The following SCHIP1 variants were observed in gnomAD, a reference collection of about 807,000 sequenced individuals.
SCHIP1 encodes schwannomin interacting protein 1, also known as schwannomin-interacting protein 1.
In SCHIP1, 8 loss-of-function variants were observed where a neutral mutation model predicts 29.7. The ratio of observed to expected loss-of-function variants is 0.27; its 90% confidence interval spans 0.16 to 0.49. The LOEUF (loss-of-function observed/expected upper bound fraction) is 0.49. Among genes scored for constraint, SCHIP1 ranks in the 20% least tolerant of loss-of-function variants. The pLI, the probability that SCHIP1 is intolerant of heterozygous loss-of-function variation, is 0.99. For synonymous variants in SCHIP1, 76 were observed against 94.9 expected, an observed-to-expected ratio of 0.80 and a Z score of 1.16; for missense variants, 193 against 294.6, an observed-to-expected ratio of 0.66 and a Z score of 2.52.
the SCHIP1 span, among the ~76,000 whole-genome samples, chr3:159,672,242 G>A: frequency 6.6e-6 from 1 of 152,212 alleles, no homozygotes; most frequent in Non-Finnish European, 1.5e-5. Flanking sequence ...ATGAGCACAT[G>A]AGTATAGTAA....
intron 2 of SCHIP1, among the ~76,000 whole-genome samples, chr3:159,876,307 T>G (rs1715802063): frequency 6.6e-6 from 1 of 152,214 alleles, no homozygotes; most frequent in Non-Finnish European, 1.5e-5. Flanking sequence ...GCAGGCAGTG[T>G]AGCGTGGTGG....
At chr3:159,850,771 A>G (rs1264149440) in intron 1 of SCHIP1, among the ~76,000 whole-genome samples, 1 of 151,804 alleles carries the variant, frequency 6.6e-6, no homozygotes, top group African/African-American at 2.4e-5. Flanking sequence ...TTAAACAACC[A>G]GATCTCATGA....
At chr3:159,786,888 A>G in the SCHIP1 span, among the ~76,000 whole-genome samples, 3 of 152,180 alleles carry the variant, frequency 2.0e-5, no homozygotes, top group Non-Finnish European at 4.4e-5. Flanking sequence ...AAAAAGCCGA[A>G]TATTTTTGTA....
the SCHIP1 span, among the ~76,000 whole-genome samples, chr3:159,495,598 A>C: frequency 6.6e-6 from 1 of 152,320 alleles, no homozygotes. Context: ...CTGCTCAATG[A>C]AATAAAAGAG....
the SCHIP1 span, among the ~76,000 whole-genome samples, chr3:159,656,155 T>C: frequency 1.3e-5 from 2 of 152,228 alleles, no homozygotes; most frequent in Admixed American, 6.5e-5. Context: ...GGTAAGCAAA[T>C]TGGAAGGGGA....
At chr3:159,475,403 G>T in the SCHIP1 span, among the ~76,000 whole-genome samples, 1 of 152,134 alleles carries the variant, frequency 6.6e-6, no homozygotes, top group Non-Finnish European at 1.5e-5. Flanking sequence ...GTAGGTTAGT[G>T]GTTGCCAGGG....
At chr3:159,627,230 T>C in the SCHIP1 span, among the ~76,000 whole-genome samples, 1 of 152,174 alleles carries the variant, frequency 6.6e-6, no homozygotes, top group African/African-American at 2.4e-5. Context: ...ATTAGTGAAA[T>C]TATAGACCAT....
intron 6 of SCHIP1, among the ~76,000 whole-genome samples, chr3:159,896,252 A>G (rs1387316388): frequency 6.6e-6 from 1 of 152,226 alleles, no homozygotes; most frequent in Non-Finnish European, 1.5e-5. Context: ...TACTCTTATC[A>G]TAATACCATG....
At chr3:159,330,196 T>C in the SCHIP1 span, among the ~76,000 whole-genome samples, 2 of 152,202 alleles carry the variant, frequency 1.3e-5, no homozygotes, top group Non-Finnish European at 2.9e-5. Context: ...ATATACATTT[T>C]CTCTTGATTT....
the SCHIP1 span, among the ~76,000 whole-genome samples, chr3:159,810,426 C>G: frequency 6.6e-6 from 1 of 152,266 alleles, no homozygotes; most frequent in Non-Finnish European, 1.5e-5. Context: ...AATGTAGAAC[C>G]TTTCTGTTAT....
At chr3:159,790,480 T>C in the SCHIP1 span, among the ~76,000 whole-genome samples, 14 of 152,174 alleles carry the variant, frequency 9.2e-5, no homozygotes, top group East Asian at 2.5e-3. Context: ...AGGTCAGGAG[T>C]TCCAGAACAG....
At chr3:159,565,020 A>G in the SCHIP1 span, among the ~76,000 whole-genome samples, 1 of 152,226 alleles carries the variant, frequency 6.6e-6, no homozygotes, top group African/African-American at 2.4e-5. Context: ...GCTTAGCTTT[A>G]GAAGATCATT....
At chr3:159,721,603 T>G in the SCHIP1 span, 1 of 195,752 alleles carries the variant, frequency 5.1e-6, no homozygotes, top group Non-Finnish European at 1.0e-5. Flanking sequence ...GCTTGCCATT[T>G]GGAAAGGACC....
At chr3:159,611,561 G>A in the SCHIP1 span, among the ~76,000 whole-genome samples, 1 of 151,560 alleles carries the variant, frequency 6.6e-6, no homozygotes, top group Non-Finnish European at 1.5e-5. Flanking sequence ...GAGAACATTA[G>A]GACAAATACC....
chr3:159,303,622 A>T, the SCHIP1 span, among the ~76,000 whole-genome samples: 436 of 152,154 alleles, frequency 2.9e-3, 3 homozygotes, highest in Admixed American at 0.02. Flanking sequence ...TGAGCGGTGG[A>T]TTGAGAGCTA....
At chr3:159,806,749 C>T in the SCHIP1 span, among the ~76,000 whole-genome samples, 1 of 152,232 alleles carries the variant, frequency 6.6e-6, no homozygotes, top group African/African-American at 2.4e-5. Context: ...CAGGGCCCTC[C>T]ACTCGCGTGG....
At chr3:159,510,589 C>G in the SCHIP1 span, among the ~76,000 whole-genome samples, 1 of 152,150 alleles carries the variant, frequency 6.6e-6, no homozygotes. Context: ...TTTTCCCCAT[C>G]TTTGTGGTTT....
the SCHIP1 span, among the ~76,000 whole-genome samples, chr3:159,451,103 G>A: frequency 6.6e-6 from 1 of 151,994 alleles, no homozygotes; most frequent in East Asian, 1.9e-4. Flanking sequence ...CACTGCGCCC[G>A]GCCCACATTT....
At chr3:159,402,391 G>T in the SCHIP1 span, among the ~76,000 whole-genome samples, 1 of 152,164 alleles carries the variant, frequency 6.6e-6, no homozygotes, top group Non-Finnish European at 1.5e-5. Context: ...CAGAGATCTA[G>T]AACTAGAAAT....
Sources: allele counts gnomAD v4.1 joint callset (sites outside exome capture counted in the v4.1 genomes callset), GRCh38; gene constraint gnomAD v4.1.1; transcripts MANE v1.5; gene names NCBI Gene and HGNC (gene_info 2026-07-23, HGNC 2026-07-21).